Variants in ITPR1 observed in about 807,000 individuals in gnomAD.
ITPR1 encodes inositol 1,4,5-trisphosphate-gated calcium channel ITPR1.
A neutral mutation model predicts 318.4 loss-of-function variants in ITPR1; 96 were observed. The observed-to-expected ratio is 0.30, with a 90% confidence interval of 0.26 to 0.36. ITPR1 has a LOEUF of 0.36. Among genes scored for constraint, ITPR1 ranks in the 10% least tolerant of loss-of-function variants. ITPR1 has a pLI of 1.00. For missense variants in ITPR1, 2,440 were observed against 3,460.2 expected (o/e 0.71, Z 7.40); for synonymous variants, 1,312 against 1,289.9 (o/e 1.02, Z -0.37).
At chr3:4,789,375 G>A (rs73004812) in intron 52 of ITPR1, among the ~76,000 whole-genome samples, 14,571 of 152,218 alleles carry the variant, frequency 0.096, 825 homozygotes, top group Non-Finnish European at 0.14. Context: ...AAAGACTCTT[G>A]CAGCTCCAGG....
intron 4 of ITPR1, among the ~76,000 whole-genome samples, chr3:4,545,666 G>T (rs2084915796): frequency 3.1e-5 from 4 of 129,098 alleles, no homozygotes; most frequent in East Asian, 2.2e-4. Flanking sequence ...CTTTTTTTGT[G>T]TTCATATCAC....
intron 26 of ITPR1, among the ~76,000 whole-genome samples, chr3:4,682,128 G>T (rs948015433): frequency 7.2e-5 from 11 of 152,206 alleles, no homozygotes; most frequent in Non-Finnish European, 1.6e-4. Context: ...CAGTCCTGTG[G>T]CTTGATTAAG....
intron 2 of ITPR1, among the ~76,000 whole-genome samples, chr3:4,503,923 C>T (rs574505035): frequency 6.6e-6 from 1 of 152,084 alleles, no homozygotes; most frequent in African/African-American, 2.4e-5. Flanking sequence ...CCCTCCCCCT[C>T]TCGCCCCCTC....
chr3:4,620,931 C>A (rs531189790), intron 4 of ITPR1, among the ~76,000 whole-genome samples: 1 of 152,120 alleles, frequency 6.6e-6, no homozygotes, highest in African/African-American at 2.4e-5. Flanking sequence ...CACCCCCCAC[C>A]CTCTGACACC....
chr3:4,713,969 C>G (rs2041576113), intron 39 of ITPR1, among the ~76,000 whole-genome samples: 1 of 152,158 alleles, frequency 6.6e-6, no homozygotes, highest in Non-Finnish European at 1.5e-5. Context: ...GCTTCTGGCC[C>G]AATGCTTGAC....
At chr3:4,722,378 A>C (rs2042225822) in intron 40 of ITPR1, among the ~76,000 whole-genome samples, 1 of 152,184 alleles carries the variant, frequency 6.6e-6, no homozygotes, top group Non-Finnish European at 1.5e-5. Context: ...TCCTGGGACT[A>C]AGCAGGAATA....
chr3:4,830,919 C>T (rs1281102707), intron 60 of ITPR1: 8 of 456,302 alleles, frequency 1.8e-5, no homozygotes, highest in South Asian at 7.7e-5. Context: ...AATGTTCCAT[C>T]GTTTAGGTGG....
Position 4,779,057 on chromosome 3 carries a change from G to C in ITPR1, c.6292-493G>C, listed in dbSNP as rs1224947314. 2.6e-5 allele frequency among the ~76,000 whole-genome samples: 4 copies of C among 152,166 alleles called. No individual in the cohort carries two copies. Among genetic ancestry groups the C allele is most frequent in the African/African-American group, 9.7e-5 (4 of 41,428 alleles). On this transcript the variant is annotated intron_variant, in intron 48 of 61. Coordinates refer to ENST00000649015, the MANE Select transcript of ITPR1 (RefSeq NM_001378452.1). This position sits in a 1 kb window ranked among gnomAD's most constrained non-coding sequence, Gnocchi z 4.0. ...TGTCAGATGTACTCATTATATTAGG[G>C]GTTATGAGAGCTAATAGAAATATTT...
At chr3:4,692,517 G>T (rs1048490682) in intron 32 of ITPR1, among the ~76,000 whole-genome samples, 4 of 152,166 alleles carry the variant, frequency 2.6e-5, no homozygotes, top group Non-Finnish European at 5.9e-5. Flanking sequence ...GTTTATCTTG[G>T]TATCTGGCAT....
chr3:4,761,097 AC>A (rs1267437105), intron 44 of ITPR1, among the ~76,000 whole-genome samples: 2 of 146,458 alleles, frequency 1.4e-5, no homozygotes. Context: ...TCTACTCACA[AC>A]CCCCCACCCT....
intron 2 of ITPR1, among the ~76,000 whole-genome samples, chr3:4,512,964 C>T (rs539882582): frequency 1.3e-5 from 2 of 151,214 alleles, no homozygotes; most frequent in African/African-American, 4.9e-5. Context: ...GCCGAGCCCT[C>T]GGTGTCTGTA....
chr3:4,652,033 C>A (rs893036172), intron 10 of ITPR1, 90 bp from the exon 11 acceptor site: 1 of 957,420 alleles, frequency 1.0e-6, no homozygotes, highest in Non-Finnish European at 1.6e-6. Context: ...TATAAACATC[C>A]CTCCTGAACT....
At chr3:4,765,430 G>A (rs1410318764) in intron 44 of ITPR1, among the ~76,000 whole-genome samples, 1 of 152,200 alleles carries the variant, frequency 6.6e-6, no homozygotes, top group African/African-American at 2.4e-5. Context: ...GTTGCATGTC[G>A]ACGATGGAAA....
Position 4,733,357 on chromosome 3 carries a change from G to C in ITPR1, c.5353+137G>C. 6.1e-6 allele frequency: 6 copies of C among 989,046 alleles called. No individual in the cohort carries two copies. The South Asian group carries it at 1.0e-4, about 17-fold the overall frequency. 61.3% of individuals were successfully genotyped at this position (989,046 alleles called of 1,614,324 possible). A position where few individuals can be genotyped will look rare whatever the true frequency, so the allele number is the denominator to read the frequency against. On this transcript the variant is annotated intron_variant, in intron 43 of 61. Transcript: ENST00000649015. ...GGTGTATTTTTTAGCAACTTGTTTT[G>C]TCTTTGGTCTACCATCAAATTGATG...
At chr3:4,494,783 C>T (rs1033390725) in intron 2 of ITPR1, among the ~76,000 whole-genome samples, 1 of 152,074 alleles carries the variant, frequency 6.6e-6, no homozygotes. Context: ...AAACGGCGGC[C>T]CATTGCCGGT....
At chr3:4,795,029 C>T (rs2047808974) in intron 52 of ITPR1, 36 bp from the exon 53 acceptor site, 3 of 1,571,942 alleles carry the variant, frequency 1.9e-6, no homozygotes, top group African/African-American at 1.4e-5. Flanking sequence ...GGCTTGGGGT[C>T]TCCAGCCTCA....
At chr3:4,712,406 A>T (rs2041445149) in intron 39 of ITPR1, among the ~76,000 whole-genome samples, 1 of 152,246 alleles carries the variant, frequency 6.6e-6, no homozygotes, top group African/African-American at 2.4e-5. Flanking sequence ...GAACAAGGAT[A>T]TACCAGATCC....
chr3:4,680,633 C>T lies in ITPR1; in HGVS notation c.3048C>T (p.Ser1016=). Residue 1016 remains serine, a synonymous_variant, in exon 25 of 62, where the codon TCC becomes TCT. Coordinates refer to ENST00000649015, the MANE Select transcript of ITPR1 (RefSeq NM_001378452.1). ...AGCGAGAGTTTGATGAAAGCAATTCCCAGACTTCAGAAACATCCTCCGGAA... is the reference window on the plus strand; with the variant it reads ...AGCGAGAGTTTGATGAAAGCAATTCTCAGACTTCAGAAACATCCTCCGGAA... ...IFKREFDESN[S]QTSETSSGNS... 6.2e-7 allele frequency: 1 copy of T among 1,613,810 alleles called. No homozygotes were observed. The highest frequency in any genetic ancestry group is 8.5e-7 in the Non-Finnish European group (1 of 1,179,764).
At chr3:4,511,040 T>G (rs574754826) in intron 2 of ITPR1, among the ~76,000 whole-genome samples, 2 of 152,172 alleles carry the variant, frequency 1.3e-5, no homozygotes, top group Non-Finnish European at 2.9e-5. Context: ...AAATTCTTTT[T>G]GGTACATTGA....
Sources: gnomAD v4.1 joint callset for allele counts (sites outside exome capture counted in the v4.1 genomes callset) on GRCh38, gnomAD v4.1.1 for gene constraint, Gnocchi (gnomAD v3.1) non-coding constraint, MANE v1.5 for transcripts, NCBI Gene and HGNC (gene_info 2026-07-23, HGNC 2026-07-21) for gene names.